NOL10: variants seen among roughly 807,000 people sequenced by gnomAD.
The protein encoded by NOL10 is nucleolar protein 10, also known as H_NH0074G24.1.
Under a neutral mutation model 103.5 loss-of-function variants are expected in NOL10, and 58 were observed. The observed-to-expected ratio is 0.56, with a 90% confidence interval of 0.45 to 0.70. The LOEUF (loss-of-function observed/expected upper bound fraction) is 0.70. NOL10 is among the 30% of genes least tolerant of loss of function. The pLI is 0.00. For synonymous variants in NOL10, 287 were observed against 282.5 expected (o/e 1.02, Z -0.16); for missense variants, 763 against 807.3 (o/e 0.95, Z 0.67).
intron 3 of NOL10, among the ~76,000 whole-genome samples, chr2:10,678,196 A>G (rs1454894023): frequency 2.0e-5 from 3 of 150,288 alleles, no homozygotes; most frequent in African/African-American, 7.4e-5. Context: ...CTACAGGTGC[A>G]CACCACCACT....
chr2:10,587,110 C>CATACACATATATACATATATATACAT (rs1558270217), intron 19 of NOL10, among the ~76,000 whole-genome samples: 7 of 42,164 alleles, frequency 1.7e-4, no homozygotes, highest in African/African-American at 7.9e-4. Flanking sequence ...CATATATATA[C>CATACACATATATACATATATATACAT]ATATATATAC....
intron 3 of NOL10, among the ~76,000 whole-genome samples, chr2:10,677,641 T>G (rs1681407246): frequency 6.6e-6 from 1 of 151,484 alleles, no homozygotes; most frequent in Admixed American, 6.6e-5. Context: ...ACTGTGTAAT[T>G]TTTGTATTTT....
At chr2:10,648,550 A>G (rs1474980497) in intron 12 of NOL10, among the ~76,000 whole-genome samples, 1 of 152,206 alleles carries the variant, frequency 6.6e-6, no homozygotes, top group Admixed American at 6.5e-5. Context: ...CATCATGCTT[A>G]AAGTTGCTGG....
intron 13 of NOL10, among the ~76,000 whole-genome samples, chr2:10,640,780 C>T (rs191934751): frequency 1.3e-5 from 2 of 152,276 alleles, no homozygotes; most frequent in African/African-American, 4.8e-5. Context: ...AGATAATAGA[C>T]ATGTCATAAA....
intron 13 of NOL10, among the ~76,000 whole-genome samples, chr2:10,625,141 T>C (rs1470811917): frequency 1.3e-5 from 2 of 152,114 alleles, no homozygotes; most frequent in African/African-American, 4.8e-5. Context: ...GATGAACAGG[T>C]GGAACAGAGG....
chr2:10,673,158 A>G (rs759888716), intron 5 of NOL10, among the ~76,000 whole-genome samples: 6 of 152,214 alleles, frequency 3.9e-5, no homozygotes, highest in Non-Finnish European at 5.9e-5. Flanking sequence ...AAATAAGAAA[A>G]TGAAAGCAAC....
chr2:10,652,604 A>T (rs141174999), intron 12 of NOL10, among the ~76,000 whole-genome samples: 1 of 151,986 alleles, frequency 6.6e-6, no homozygotes, highest in East Asian at 1.9e-4. Flanking sequence ...TACTTCAAAA[A>T]CCGTGGGGCC....
At chr2:10,659,338 T>A (rs1244235220) in intron 9 of NOL10, 88 bp from the exon 10 acceptor site, 7 of 171,700 alleles carry the variant, frequency 4.1e-5, no homozygotes, top group East Asian at 1.6e-4. Flanking sequence ...ACTTCAAATC[T>A]AATGGGGGGG....
intron 19 of NOL10, among the ~76,000 whole-genome samples, chr2:10,586,744 T>C (rs1376072333): frequency 1.3e-5 from 2 of 152,102 alleles, no homozygotes; most frequent in Non-Finnish European, 2.9e-5. Context: ...TCCTACCTAA[T>C]GAATAAATAT....
chr2:10,668,767 GA>G, intron 6 of NOL10, 44 bp from the exon 7 acceptor site: 1 of 806,466 alleles, frequency 1.2e-6, no homozygotes, highest in Non-Finnish European at 1.9e-6. Flanking sequence ...AAACTACAAT[GA>G]AACTTTAAGT....
Position 10,685,900 on chromosome 2 carries a change from C to CA in NOL10, c.67-1289dup, listed in dbSNP as rs1190835362. 2.8e-3 allele frequency among the ~76,000 whole-genome samples: 375 copies of CA among 132,788 alleles called. 13 individuals carry two copies. Among genetic ancestry groups the CA allele is most frequent in the East Asian group, 0.022 (99 of 4,598 alleles). 87.1% of individuals were successfully genotyped at this position (132,788 alleles called of 152,430 possible). On this transcript the variant is annotated intron_variant, in intron 1 of 20. Coordinates refer to ENST00000381685, the MANE Select transcript of NOL10 (RefSeq NM_024894.4). ...CAATAAAGTGGGATCACTGTCTCTA[C>CA]AAAAAAAAAAAAGCAGCTGGGCATG...
intron 16 of NOL10, 79 bp from the exon 17 acceptor site, chr2:10,601,021 T>C (rs1675946896): frequency 1.3e-6 from 1 of 798,908 alleles, no homozygotes; most frequent in Admixed American, 2.9e-5. Flanking sequence ...AGGTAAACAG[T>C]TGTGTAAGTA....
intron 20 of NOL10, among the ~76,000 whole-genome samples, chr2:10,575,230 G>C (rs1223061550): frequency 6.6e-6 from 1 of 152,150 alleles, no homozygotes; most frequent in African/African-American, 2.4e-5. Flanking sequence ...TCCCAGTTTT[G>C]CCACTATACA....
chr2:10,602,924 T>C, intron 15 of NOL10, 50 bp from the exon 16 acceptor site: 1 of 1,388,498 alleles, frequency 7.2e-7, no homozygotes, highest in Non-Finnish European at 1.0e-6. Flanking sequence ...TATTTGGTAA[T>C]ATCATTTTCA....
At chr2:10,651,609 AC>A (rs1572378750) in intron 12 of NOL10, among the ~76,000 whole-genome samples, 1 of 152,066 alleles carries the variant, frequency 6.6e-6, no homozygotes, top group East Asian at 1.9e-4. Flanking sequence ...GCTAGTGGCT[AC>A]CAAACTGTAC....
At chr2:10,635,914 G>A (rs776487905) in intron 13 of NOL10, among the ~76,000 whole-genome samples, 4 of 152,114 alleles carry the variant, frequency 2.6e-5, no homozygotes, top group Non-Finnish European at 2.9e-5. Context: ...TTTTTTAAGA[G>A]AGTCTGTGTC....
intron 17 of NOL10, chr2:10,591,040 G>A (rs1675364948): frequency 6.6e-6 from 1 of 152,184 alleles, no homozygotes; most frequent in African/African-American, 2.4e-5. Context: ...TTATTTGTGT[G>A]ACAGACCTAT....
intron 13 of NOL10, among the ~76,000 whole-genome samples, chr2:10,635,611 C>G (rs562183838): frequency 1.3e-5 from 2 of 152,312 alleles, no homozygotes; most frequent in African/African-American, 4.8e-5. Context: ...TAGGAAGCCA[C>G]TGAACCCTGC....
rs1433796199 is a variant in NOL10 at position 10,636,127 on chromosome 2, ATCTACCC to A, written c.1026+8186_1026+8192del. On this transcript the variant is annotated intron_variant, in intron 13 of 20. Coordinates refer to ENST00000381685, the MANE Select transcript of NOL10 (RefSeq NM_024894.4). ...AGTCTCAAGCTCTTGGCCTCAAGTG[ATCTACCC>A]GCCTCGGCCTCCCAAAGTGCTGGGA... Among the ~76,000 whole-genome samples the A allele has an allele frequency of 3.0e-4, 45 of 152,224 alleles. No homozygotes were observed. The Middle Eastern group carries it at 0.01, about 35-fold the overall frequency.
Sources: gnomAD v4.1 joint callset for allele counts (sites outside exome capture counted in the v4.1 genomes callset) on GRCh38, gnomAD v4.1.1 for gene constraint, MANE v1.5 for transcripts, NCBI Gene and HGNC (gene_info 2026-07-23, HGNC 2026-07-21) for gene names.